MBNL2: variants seen among roughly 807,000 people sequenced by gnomAD.
MBNL2 encodes the protein muscleblind-like protein 2.
Under a neutral mutation model 41.9 loss-of-function variants are expected in MBNL2, and 17 were observed. The ratio of observed to expected loss-of-function variants is 0.41; its 90% CI spans 0.28 to 0.61. The LOEUF (loss-of-function observed/expected upper bound fraction) is 0.61, where lower values mean the gene tolerates loss of function less well. MBNL2 is among the 20% of genes least tolerant of loss of function. MBNL2 has a pLI of 0.35. For missense variants in MBNL2, 336 were observed against 505.6 expected, an observed-to-expected ratio of 0.66 and a Z score of 3.22; for synonymous variants, 195 against 182.9, an observed-to-expected ratio of 1.07 and a Z score of -0.53.
intron 3 of MBNL2, among the ~76,000 whole-genome samples, chr13:97,341,234 C>CT (rs2061416711): frequency 6.6e-6 from 1 of 152,306 alleles, no homozygotes; most frequent in South Asian, 2.1e-4. Flanking sequence ...AGGTCTCAGC[C>CT]TAGATCTACT....
At chr13:97,260,356 G>GACAGAAGA (rs777590414) in intron 1 of MBNL2, among the ~76,000 whole-genome samples, 127 of 152,326 alleles carry the variant, frequency 8.3e-4, no homozygotes, top group Non-Finnish European at 1.7e-3. Flanking sequence ...TGACAGTCCC[G>GACAGAAGA]CTCTGTGAGG....
At chr13:97,325,835 G>T in intron 2 of MBNL2, among the ~76,000 whole-genome samples, 1 of 152,192 alleles carries the variant, frequency 6.6e-6, no homozygotes, top group East Asian at 1.9e-4. Flanking sequence ...TAGTTGTTAT[G>T]CTTTGTTTAT....
At chr13:97,213,655 T>G in the MBNL2 span, among the ~76,000 whole-genome samples, 1 of 152,292 alleles carries the variant, frequency 6.6e-6, no homozygotes, top group African/African-American at 2.4e-5. Context: ...CATCTACATC[T>G]TGCTTATCTT....
At chr13:97,250,962 T>A (rs977025580) in intron 1 of MBNL2, among the ~76,000 whole-genome samples, 1 of 152,114 alleles carries the variant, frequency 6.6e-6, no homozygotes, top group Non-Finnish European at 1.5e-5. Context: ...TTTCTTAACC[T>A]GGATGCCAAA....
intron 2 of MBNL2, among the ~76,000 whole-genome samples, chr13:97,292,684 T>C (rs1325577933): frequency 2.0e-5 from 3 of 152,116 alleles, no homozygotes; most frequent in Non-Finnish European, 4.4e-5. Context: ...CAAATTCCTC[T>C]CTCGGTGAGC....
At chr13:97,252,818 A>C (rs2046825290) in intron 1 of MBNL2, among the ~76,000 whole-genome samples, 1 of 152,206 alleles carries the variant, frequency 6.6e-6, no homozygotes, top group African/African-American at 2.4e-5. Context: ...TCATCTGAAG[A>C]TAATGATAAC....
intron 2 of MBNL2, among the ~76,000 whole-genome samples, chr13:97,327,582 AAGTT>A (rs1357571249): frequency 9.9e-5 from 15 of 151,350 alleles, no homozygotes; most frequent in Non-Finnish European, 2.1e-4. Context: ...AAAAAAAAAA[AAGTT>A]CATATAACCA....
At chr13:97,262,967 T>A (rs1052846415) in intron 1 of MBNL2, among the ~76,000 whole-genome samples, 1 of 152,106 alleles carries the variant, frequency 6.6e-6, no homozygotes, top group Non-Finnish European at 1.5e-5. Context: ...ATTTTATTTT[T>A]TTGGTAGAGT....
chr13:97,201,223 G>T, the MBNL2 span, among the ~76,000 whole-genome samples: 1 of 152,194 alleles, frequency 6.6e-6, no homozygotes, highest in African/African-American at 2.4e-5. Context: ...GACTTCAAAA[G>T]ACCATCTTAC....
chr13:97,300,049 A>G (rs2057464009), intron 2 of MBNL2, among the ~76,000 whole-genome samples: 1 of 152,138 alleles, frequency 6.6e-6, no homozygotes, highest in African/African-American at 2.4e-5. Context: ...TTAGAATTGC[A>G]TAGTCAAGGC....
At chr13:97,353,729 G>T (rs2062715843) in intron 5 of MBNL2, among the ~76,000 whole-genome samples, 1 of 152,132 alleles carries the variant, frequency 6.6e-6, no homozygotes, top group Non-Finnish European at 1.5e-5. Flanking sequence ...TAACACAAAA[G>T]GTGTCTGATC....
chr13:97,189,179 C>CCA, the MBNL2 span, among the ~76,000 whole-genome samples: 1 of 152,158 alleles, frequency 6.6e-6, no homozygotes, highest in Non-Finnish European at 1.5e-5. Context: ...TAGGCGTTAG[C>CCA]CACTGTTCCT....
chr13:97,388,814 T>G lies in MBNL2; in HGVS notation c.1049-2508T>G, dbSNP rs184884317. Among the ~76,000 whole-genome samples, 53 of 152,226 alleles carry G rather than the reference T, an allele frequency of 3.5e-4. No homozygotes were observed. The East Asian group carries it at 0.01, about 29-fold the overall frequency. On this transcript the variant is annotated intron_variant, in intron 8 of 8. Coordinates refer to ENST00000679496, the MANE Select transcript of MBNL2 (RefSeq NM_001382683.1). ...GCTGTATTTCTCAGGAAAAAAAAAT[T>G]TAATAATCAGAAGATATTTCCAAGA...
chr13:97,276,169 GA>G lies in MBNL2; in HGVS notation c.-65del, dbSNP rs2052092677. 1 of 1,257,002 alleles carries G rather than the reference GA, an allele frequency of 8.0e-7. No homozygotes were observed. The highest frequency in any genetic ancestry group is 1.1e-6 in the Non-Finnish European group (1 of 872,268). The allele number at this position is 1,257,002 out of a possible 1,614,324, so 77.9% of individuals were successfully genotyped here. A position where few individuals can be genotyped will look rare whatever the true frequency, so the allele number is the denominator to read the frequency against. On this transcript the variant is annotated 5_prime_UTR_variant, in exon 2 of 9. Transcript: ENST00000679496. ...GGGAGTTTTCACAACAGTAGTTTTGGAATCATTAGAACTTGGATTGATTTCA... is the reference window on the plus strand; with the variant it reads ...GGGAGTTTTCACAACAGTAGTTTTGGATCATTAGAACTTGGATTGATTTCA...
the MBNL2 span, among the ~76,000 whole-genome samples, chr13:97,142,669 A>G: frequency 6.6e-6 from 1 of 152,098 alleles, no homozygotes; most frequent in South Asian, 2.1e-4. Flanking sequence ...TTTCCTAGGT[A>G]TCTCCTCTCA....
chr13:97,245,745 A>G (rs2045332428), intron 1 of MBNL2, among the ~76,000 whole-genome samples: 1 of 152,218 alleles, frequency 6.6e-6, no homozygotes, highest in African/African-American at 2.4e-5. Context: ...GTCCATCGAA[A>G]TGGTATTTTA....
At chr13:97,224,750 C>T (rs1439634372) in intron 1 of MBNL2, among the ~76,000 whole-genome samples, 9 of 151,126 alleles carry the variant, frequency 6.0e-5, no homozygotes, top group South Asian at 2.1e-4. Flanking sequence ...TATTAAGATA[C>T]ATAGTCATAT....
the MBNL2 span, among the ~76,000 whole-genome samples, chr13:97,150,952 G>A: frequency 6.6e-6 from 1 of 152,140 alleles, no homozygotes; most frequent in Non-Finnish European, 1.5e-5. Context: ...TAGACTTTTG[G>A]ATAGAAAAGG....
chr13:97,393,482 C>A lies in MBNL2; in HGVS notation c.*2033C>A, dbSNP rs1034342862. On this transcript the variant is annotated 3_prime_UTR_variant, in exon 9 of 9. Transcript: ENST00000679496. The stretch of plus-strand genomic sequence containing the variant: ...TTTAATAATGGAGCATCAAAAACAT[C>A]ACCTGTAACCCCAAGCAAATATAGA... The A allele has an allele frequency of 3.3e-5, 5 of 152,350 alleles. No homozygotes were observed. The highest frequency in any genetic ancestry group is 7.4e-5 in the Non-Finnish European group (5 of 67,882). 9.4% of individuals were successfully genotyped at this position (152,350 alleles called of 1,614,324 possible).
Sources: allele counts gnomAD v4.1 joint callset (sites outside exome capture counted in the v4.1 genomes callset), GRCh38; gene constraint gnomAD v4.1.1; transcripts MANE v1.5; gene names NCBI Gene and HGNC (gene_info 2026-07-23, HGNC 2026-07-21).